Variants in SMAD3 observed in about 807,000 individuals in gnomAD.
The protein encoded by SMAD3 is SMAD family member 3.
Under a neutral mutation model 51.8 loss-of-function variants are expected in SMAD3, and 12 were observed. The observed-to-expected ratio is 0.23, with a 90% confidence interval of 0.15 to 0.38. SMAD3 has a LOEUF of 0.38. Among genes scored for constraint, SMAD3 ranks in the 10% least tolerant of loss-of-function variants. The probability of loss-of-function intolerance (pLI) is 1.00; values close to 1 mark genes in which losing one functional copy is unlikely to be tolerated. For synonymous variants in SMAD3, 238 were observed against 227.7 expected (o/e 1.05, Z -0.41); for missense variants, 294 against 565.6 (o/e 0.52, Z 4.87).
chr15:67,173,124 G>T (rs1032390708), intron 5 of SMAD3, among the ~76,000 whole-genome samples: 1 of 152,186 alleles, frequency 6.6e-6, no homozygotes, highest in Non-Finnish European at 1.5e-5. Context: ...TCGAGGGATG[G>T]AGCGATGGGA....
intron 1 of SMAD3, among the ~76,000 whole-genome samples, chr15:67,117,096 T>G (rs576785281): frequency 4.1e-4 from 63 of 152,220 alleles, no homozygotes; most frequent in African/African-American, 1.5e-3. Context: ...TGTCTCTGCC[T>G]CCCCTTGTGG....
chr15:67,130,622 T>C (rs1420398536), intron 1 of SMAD3, among the ~76,000 whole-genome samples: 4 of 152,076 alleles, frequency 2.6e-5, no homozygotes, highest in Admixed American at 6.5e-5. Context: ...GCCAAAAAGA[T>C]TGGGGACCAC....
intron 1 of SMAD3, among the ~76,000 whole-genome samples, chr15:67,080,087 G>A (rs1042996569): frequency 6.6e-6 from 1 of 152,252 alleles, no homozygotes; most frequent in Admixed American, 6.5e-5. Flanking sequence ...AATCAGGACC[G>A]TCCAGGCAAA....
intron 1 of SMAD3, among the ~76,000 whole-genome samples, chr15:67,124,269 A>G (rs2140245988): frequency 6.6e-6 from 1 of 152,338 alleles, no homozygotes; most frequent in Admixed American, 6.5e-5. Flanking sequence ...GATTACAGGC[A>G]TATGCCACCA....
intron 1 of SMAD3, among the ~76,000 whole-genome samples, chr15:67,158,024 C>A (rs7179542): frequency 6.6e-6 from 1 of 152,114 alleles, no homozygotes; most frequent in African/African-American, 2.4e-5. Context: ...GGAGGCCCAA[C>A]GGCAGGTTCC....
intron 1 of SMAD3, among the ~76,000 whole-genome samples, chr15:67,159,564 G>A (rs140328350): frequency 1.5e-4 from 23 of 152,090 alleles, no homozygotes; most frequent in African/African-American, 5.5e-4. Flanking sequence ...GATGATATAT[G>A]TATATACCTA....
chr15:67,079,921 A>G (rs1015865019), intron 1 of SMAD3, among the ~76,000 whole-genome samples: 1 of 152,238 alleles, frequency 6.6e-6, no homozygotes. Context: ...TTTAAGTCTC[A>G]GGCTAAGGGC....
intron 5 of SMAD3, among the ~76,000 whole-genome samples, chr15:67,172,339 T>C (rs1962775570): frequency 6.6e-6 from 1 of 152,252 alleles, no homozygotes; most frequent in Non-Finnish European, 1.5e-5. Flanking sequence ...GTTGCACCTC[T>C]GCTGGGAAGA....
chr15:67,067,202 A>C (rs964799063), intron 1 of SMAD3, among the ~76,000 whole-genome samples: 1 of 152,052 alleles, frequency 6.6e-6, no homozygotes, highest in African/African-American at 2.4e-5. Flanking sequence ...CGGCCCTCGC[A>C]TTCCTGTAGA....
At position 67,194,156 on chromosome 15, in the gene SMAD3, C is replaced by T. The variant is rs1035447445; in HGVS notation, c.*3620C>T. 1 of 233,476 alleles carries T rather than the reference C, an allele frequency of 4.3e-6. No individual in the cohort carries two copies. The allele number at this position is 233,476 out of a possible 1,614,324, so 14.5% of individuals were successfully genotyped here. ...GAGTTGGGAGTTCCCCCAAAATAAACGTGTCCCCATTTTACCAGAACCAAA... is the reference window on the plus strand; with the variant it reads ...GAGTTGGGAGTTCCCCCAAAATAAATGTGTCCCCATTTTACCAGAACCAAA... On this transcript the variant is annotated 3_prime_UTR_variant, in exon 9 of 9. Transcript: ENST00000327367.
At chr15:67,163,797 G>A (rs2140292101) in intron 1 of SMAD3, among the ~76,000 whole-genome samples, 1 of 152,134 alleles carries the variant, frequency 6.6e-6, no homozygotes, top group South Asian at 2.1e-4. Context: ...ATTGTAAGTA[G>A]GCACAGTAGT....
At chr15:67,121,251 T>C (rs1220459062) in intron 1 of SMAD3, among the ~76,000 whole-genome samples, 1 of 152,172 alleles carries the variant, frequency 6.6e-6, no homozygotes, top group Admixed American at 6.5e-5. Context: ...GCGGCCCCAG[T>C]GTTCTCTTCT....
intron 1 of SMAD3, among the ~76,000 whole-genome samples, chr15:67,075,808 A>G (rs571248284): frequency 1.3e-5 from 2 of 151,984 alleles, no homozygotes; most frequent in South Asian, 4.2e-4. Flanking sequence ...TCAGCTACTC[A>G]GGAGGCTGAG....
chr15:67,151,886 AC>A lies in SMAD3; in HGVS notation c.207-13008del, dbSNP rs1341678365. On this transcript the variant is annotated intron_variant, in intron 1 of 8. Coordinates refer to ENST00000327367, the MANE Select transcript of SMAD3 (RefSeq NM_005902.4). ...ATATATGAATGTTACTATGTATGTT[AC>A]TATATAAGCATTCAATATTCTCCTA... Among the ~76,000 whole-genome samples, 5 of 152,156 alleles carry A rather than the reference AC, an allele frequency of 3.3e-5. No individual in the cohort carries two copies. The South Asian group carries it at 6.2e-4, about 19-fold the overall frequency.
At chr15:67,105,408 G>GT (rs1960855775) in intron 1 of SMAD3, among the ~76,000 whole-genome samples, 1 of 152,156 alleles carries the variant, frequency 6.6e-6, no homozygotes, top group Non-Finnish European at 1.5e-5. Context: ...TATGCGGTGA[G>GT]TCCAGGATGC....
At chr15:67,096,386 A>G (rs1443923227) in intron 1 of SMAD3, among the ~76,000 whole-genome samples, 1 of 152,222 alleles carries the variant, frequency 6.6e-6, no homozygotes, top group Non-Finnish European at 1.5e-5. Flanking sequence ...TGCACATCCA[A>G]GTCCTAAAAT....
At chr15:67,098,333 AGGGAGGGAGG>A (rs1176480471) in intron 1 of SMAD3, among the ~76,000 whole-genome samples, 1 of 46,788 alleles carries the variant, frequency 2.1e-5, no homozygotes, top group African/African-American at 9.7e-5. Context: ...GGAGGGAGGG[AGGGAGGGAGG>A]GAGGGAGAGA....
At chr15:67,142,955 A>T (rs1222911453) in intron 1 of SMAD3, 1 of 376,222 alleles carries the variant, frequency 2.7e-6, no homozygotes, top group African/African-American at 2.1e-5. Context: ...TTTCTCTGGC[A>T]TGTCCTTTTG....
intron 1 of SMAD3, among the ~76,000 whole-genome samples, chr15:67,081,649 C>G (rs1239917349): frequency 6.6e-6 from 1 of 152,186 alleles, no homozygotes; most frequent in African/African-American, 2.4e-5. Flanking sequence ...TCTCTTCAAG[C>G]TTGTCTCCTG....
Sources: allele counts gnomAD v4.1 joint callset (sites outside exome capture counted in the v4.1 genomes callset), GRCh38; gene constraint gnomAD v4.1.1; transcripts MANE v1.5; gene names NCBI Gene and HGNC (gene_info 2026-07-23, HGNC 2026-07-21).